Variants in CACNA1C observed in about 807,000 individuals in gnomAD.
The protein encoded by CACNA1C is voltage-dependent L-type calcium channel subunit alpha-1C.
In CACNA1C, 30 loss-of-function variants were observed where a neutral mutation model predicts 229.0. The ratio of observed to expected loss-of-function variants is 0.13; its 90% confidence interval spans 0.10 to 0.18. CACNA1C has a LOEUF of 0.18. Among genes scored for constraint, CACNA1C ranks in the 10% least tolerant of loss-of-function variants. The probability of loss-of-function intolerance (pLI) is 1.00; values close to 1 mark genes in which losing one functional copy is unlikely to be tolerated. For synonymous variants in CACNA1C, 1,114 were observed against 1,132.5 expected (o/e 0.98, Z 0.33); for missense variants, 1,658 against 2,845.0 (o/e 0.58, Z 9.49).
chr12:2,681,269 A>G (rs898262844), intron 42 of CACNA1C, among the ~76,000 whole-genome samples: 3 of 152,312 alleles, frequency 2.0e-5, no homozygotes, highest in Non-Finnish European at 1.5e-5. Flanking sequence ...CCTTGTCCCC[A>G]CAGATATATC....
chr12:2,006,657 T>G (rs554053290), intron 1 of CACNA1C, among the ~76,000 whole-genome samples: 1 of 152,332 alleles, frequency 6.6e-6, no homozygotes, highest in East Asian at 1.9e-4. Flanking sequence ...CAATTTCAAT[T>G]GTACTGAAAT....
At chr12:2,224,994 T>G (rs1331904791) in intron 3 of CACNA1C, among the ~76,000 whole-genome samples, 1 of 152,228 alleles carries the variant, frequency 6.6e-6, no homozygotes, top group African/African-American at 2.4e-5. Context: ...TTTAAGGTTG[T>G]GGCTTTTCAG....
chr12:2,078,079 G>A (rs2063899217), intron 1 of CACNA1C, among the ~76,000 whole-genome samples: 1 of 152,184 alleles, frequency 6.6e-6, no homozygotes, highest in Admixed American at 6.5e-5. Flanking sequence ...TTGGGGATAG[G>A]GCCTTTGGGA....
chr12:2,456,953 A>C (rs1227104895), intron 4 of CACNA1C, among the ~76,000 whole-genome samples: 1 of 152,254 alleles, frequency 6.6e-6, no homozygotes. Flanking sequence ...ATGCCAGCTC[A>C]GACCTAAAGT....
chr12:2,106,224 A>G lies in CACNA1C; in HGVS notation c.50-9000A>G, dbSNP rs113879464. 4.3e-3 allele frequency among the ~76,000 whole-genome samples: 110 copies of G among 25,462 alleles called. 1 individual carries two copies. The highest frequency in any genetic ancestry group is 6.3e-3 in the Admixed American group (14 of 2,222). 16.7% of individuals were successfully genotyped at this position (25,462 alleles called of 152,430 possible). On this transcript the variant is annotated intron_variant, in intron 1 of 46. Coordinates refer to ENST00000399655, the MANE Select transcript of CACNA1C (RefSeq NM_000719.7). ...TGAAGCCACTGGGTGCCCACCCCGG[A>G]GAGGGTTTCCACCTGAGCTGGGCGT...
chr12:2,373,024 C>T (rs1405321565), intron 3 of CACNA1C, among the ~76,000 whole-genome samples: 1 of 152,230 alleles, frequency 6.6e-6, no homozygotes, highest in Non-Finnish European at 1.5e-5. Flanking sequence ...GGCAGCCAGC[C>T]TGGGGCACTC....
At chr12:2,039,475 T>C (rs2049716029) in intron 1 of CACNA1C, among the ~76,000 whole-genome samples, 1 of 152,214 alleles carries the variant, frequency 6.6e-6, no homozygotes, top group African/African-American at 2.4e-5. Context: ...CAATCATTCA[T>C]TTATTCATCA....
In CACNA1C at chr12:2,126,679, C is replaced by T. The variant is rs117603352; in HGVS notation, c.477+6249C>T. On this transcript the variant is annotated intron_variant, in intron 3 of 46. Transcript: ENST00000399655. ...AGAGGTTGTGAGAGGAGAAGCCGTC[C>T]GTCAGAGGGGCTTGAGCTAGACTAG... 2.5e-3 allele frequency among the ~76,000 whole-genome samples: 384 copies of T among 152,250 alleles called. 1 individual carries two copies. Among genetic ancestry groups the T allele is most frequent in the Non-Finnish European group, 3.2e-3 (216 of 68,016 alleles).
At chr12:2,026,960 T>C (rs2047430884) in intron 1 of CACNA1C, among the ~76,000 whole-genome samples, 1 of 152,238 alleles carries the variant, frequency 6.6e-6, no homozygotes, top group Non-Finnish European at 1.5e-5. Context: ...ATGCTTTTCC[T>C]TCAGGTTTTG....
chr12:2,132,175 A>T (rs930993852), intron 3 of CACNA1C, among the ~76,000 whole-genome samples: 61 of 142,084 alleles, frequency 4.3e-4, no homozygotes, highest in South Asian at 1.4e-3. Context: ...ACTTTGCTGA[A>T]ATTGCTTATC....
intron 1 of CACNA1C, among the ~76,000 whole-genome samples, chr12:2,090,095 C>A (rs1341863933): frequency 6.6e-6 from 1 of 152,068 alleles, no homozygotes; most frequent in African/African-American, 2.4e-5. Context: ...TTTCTCCCTG[C>A]CTCCAGCCCC....
intron 32 of CACNA1C, among the ~76,000 whole-genome samples, chr12:2,652,899 C>G (rs976520198): frequency 1.8e-4 from 27 of 152,228 alleles, no homozygotes; most frequent in African/African-American, 6.3e-4. Flanking sequence ...CCCTGCCCCC[C>G]CGACATCTCC....
chr12:2,407,026 A>G (rs945619687), intron 3 of CACNA1C, among the ~76,000 whole-genome samples: 1 of 152,216 alleles, frequency 6.6e-6, no homozygotes, highest in African/African-American at 2.4e-5. Flanking sequence ...GGGCCTCCTC[A>G]TTACTGCTGG....
intron 5 of CACNA1C, among the ~76,000 whole-genome samples, chr12:2,464,602 A>C (rs2099537649): frequency 6.6e-6 from 1 of 152,176 alleles, no homozygotes; most frequent in South Asian, 2.1e-4. Context: ...ATTTAGTCCT[A>C]ATGGAATGCT....
intron 5 of CACNA1C, among the ~76,000 whole-genome samples, chr12:2,475,820 G>C (rs1023253120): frequency 5.3e-5 from 8 of 152,188 alleles, no homozygotes; most frequent in Non-Finnish European, 1.0e-4. Flanking sequence ...ATATTAACTT[G>C]TTATGGAAGT....
At position 2,349,675 on chromosome 12, in the gene CACNA1C, G is replaced by A. The variant is rs553070998; in HGVS notation, c.478-99301G>A. 1.6e-4 allele frequency among the ~76,000 whole-genome samples: 25 copies of A among 152,212 alleles called. No homozygotes were observed. In the East Asian group the frequency reaches 3.7e-3, roughly 22 times the overall value. The stretch of plus-strand genomic sequence containing the variant: ...AGGAAGAGCTCTGCAGTGGTCCCAC[G>A]GATCTGGCTTTAAACCAGGAGCTCT... On this transcript the variant is annotated intron_variant, in intron 3 of 46. Coordinates refer to ENST00000399655, the MANE Select transcript of CACNA1C (RefSeq NM_000719.7).
intron 3 of CACNA1C, among the ~76,000 whole-genome samples, chr12:2,187,737 C>T (rs1243955446): frequency 6.6e-6 from 1 of 152,200 alleles, no homozygotes; most frequent in Non-Finnish European, 1.5e-5. Context: ...TTGTGGGGTC[C>T]CTGCCTGTCC....
At chr12:2,631,787 G>A (rs887246590) in intron 29 of CACNA1C, among the ~76,000 whole-genome samples, 7 of 152,302 alleles carry the variant, frequency 4.6e-5, no homozygotes, top group African/African-American at 1.2e-4. Flanking sequence ...CCGGGGTGGC[G>A]TTTCTGTTTT....
intron 29 of CACNA1C, among the ~76,000 whole-genome samples, chr12:2,625,796 T>A (rs1025982038): frequency 2.7e-5 from 4 of 149,882 alleles, no homozygotes; most frequent in East Asian, 3.9e-4. Flanking sequence ...AAAAAAAAAA[T>A]TCTATTTTTA....
Sources: allele counts gnomAD v4.1 joint callset (sites outside exome capture counted in the v4.1 genomes callset), GRCh38; gene constraint gnomAD v4.1.1; transcripts MANE v1.5; gene names NCBI Gene and HGNC (gene_info 2026-07-23, HGNC 2026-07-21).